Variants in VIL1 observed in about 807,000 individuals in gnomAD.
VIL1 encodes villin 1, also known as villin-1.
A neutral mutation model predicts 104.0 loss-of-function variants in VIL1; 86 were observed. The ratio of observed to expected loss-of-function variants is 0.83; its 90% CI spans 0.69 to 0.99. The LOEUF is 0.99. Ranked by LOEUF, VIL1 falls within the 50% of genes least tolerant of loss-of-function variation. The pLI is 0.00. For missense variants in VIL1, 944 were observed against 1,054.1 expected (o/e 0.90, Z 1.45); for synonymous variants, 394 against 412.6 (o/e 0.95, Z 0.55).
intron 4 of VIL1, among the ~76,000 whole-genome samples, chr2:218,426,507 C>T (rs1689004805): frequency 6.6e-6 from 1 of 152,212 alleles, no homozygotes; most frequent in Non-Finnish European, 1.5e-5. Context: ...CTGCCTCAGT[C>T]TCCCAAGGTG....
chr2:218,422,579 G>A (rs1458592845), intron 1 of VIL1, among the ~76,000 whole-genome samples: 7 of 152,172 alleles, frequency 4.6e-5, no homozygotes, highest in South Asian at 2.1e-4. Flanking sequence ...ACTCTAGAAC[G>A]CCAGGGAAGC....
chr2:218,420,060 G>A (rs1351458527), intron 1 of VIL1, among the ~76,000 whole-genome samples: 1 of 152,264 alleles, frequency 6.6e-6, no homozygotes, highest in African/African-American at 2.4e-5. Flanking sequence ...AGAGCTGCAC[G>A]ACTGGGAACT....
intron 19 of VIL1, among the ~76,000 whole-genome samples, chr2:218,444,872 A>G (rs893741152): frequency 2.6e-5 from 4 of 152,230 alleles, no homozygotes; most frequent in African/African-American, 4.8e-5. Context: ...ATGGAAAGAT[A>G]CAAGTCCACT....
chr2:218,442,892 C>T (rs1689306359), intron 19 of VIL1, among the ~76,000 whole-genome samples: 1 of 152,150 alleles, frequency 6.6e-6, no homozygotes, highest in Admixed American at 6.5e-5. Flanking sequence ...CCTTAGAGAG[C>T]ACATTCCTGT....
chr2:218,432,242 C>A, intron 12 of VIL1, 59 bp downstream of exon 12: 1 of 1,577,858 alleles, frequency 6.3e-7, no homozygotes, highest in South Asian at 1.2e-5. Flanking sequence ...CTTGTACATA[C>A]TCCTGCTAAG....
chr2:218,424,118 C>T (rs563694642), intron 2 of VIL1, among the ~76,000 whole-genome samples, 159 bp from the exon 3 acceptor site: 3 of 152,180 alleles, frequency 2.0e-5, no homozygotes, highest in East Asian at 1.9e-4. Context: ...TTTTCCTTCT[C>T]CCGCCCCTCA....
intron 4 of VIL1, among the ~76,000 whole-genome samples, chr2:218,426,820 T>C (rs1194255407): frequency 3.3e-5 from 5 of 152,098 alleles, no homozygotes; most frequent in South Asian, 2.1e-4. Context: ...GCCAGGATGG[T>C]CTCAATCTCC....
chr2:218,432,764 C>A, intron 12 of VIL1, 29 bp from the exon 13 acceptor site: 1 of 1,612,958 alleles, frequency 6.2e-7, no homozygotes, highest in Non-Finnish European at 8.5e-7. Flanking sequence ...CTGACCCAAT[C>A]CCACTCACTC....
In VIL1 at chr2:218,449,075, T is replaced by C. The variant is rs901267162; in HGVS notation, c.2371-148T>C. The C allele has an allele frequency of 1.0e-5, 7 of 673,834 alleles. No homozygotes were observed. The East Asian group carries it at 1.8e-4, about 17-fold the overall frequency. 41.7% of individuals were successfully genotyped at this position (673,834 alleles called of 1,614,324 possible). ...CATACTCTCCTCCTCTCCATCCCTT[T>C]CCTGGCTCTCCTGACACTGCTTCTG... is the stretch of plus-strand genomic sequence containing the variant. On this transcript the variant is annotated intron_variant, in intron 19 of 19. Coordinates refer to ENST00000248444, the MANE Select transcript of VIL1 (RefSeq NM_007127.3).
chr2:218,445,654 T>A (rs555198733), intron 19 of VIL1, among the ~76,000 whole-genome samples: 1 of 152,166 alleles, frequency 6.6e-6, no homozygotes, highest in South Asian at 2.1e-4. Flanking sequence ...CTAGGGCAAC[T>A]CCACCTTAGC....
At position 218,429,834 on chromosome 2, in the gene VIL1, C is replaced by T. The variant is rs1386752839; in HGVS notation, c.850-15C>T. ...ACCTCCAGCTCCATCAGACTCTTAC[C>T]TCTCCCGACTCTAGGACTGTTACAT... On this transcript the variant is annotated splice_polypyrimidine_tract_variant and intron_variant, in intron 8 of 19. Coordinates refer to ENST00000248444, the MANE Select transcript of VIL1 (RefSeq NM_007127.3). 1.2e-6 allele frequency: 2 copies of T among 1,610,872 alleles called. No individual in the cohort carries two copies. The highest frequency in any genetic ancestry group is 1.7e-5 in the Admixed American group (1 of 59,934).
At chr2:218,442,252 G>A (rs1332499293) in intron 19 of VIL1, among the ~76,000 whole-genome samples, 4 of 152,152 alleles carry the variant, frequency 2.6e-5, no homozygotes, top group Non-Finnish European at 4.4e-5. Context: ...ACTGGATCAG[G>A]CTGAGCTTAG....
At chr2:218,429,776 A>G (rs1307595694) in intron 8 of VIL1, 73 bp from the exon 9 acceptor site, 3 of 1,590,746 alleles carry the variant, frequency 1.9e-6, no homozygotes, top group Non-Finnish European at 2.6e-6. Context: ...GGAGGGAGAG[A>G]CTTTTTTGTG....
intron 19 of VIL1, among the ~76,000 whole-genome samples, chr2:218,443,624 A>G (rs1689319224): frequency 6.6e-6 from 1 of 152,098 alleles, no homozygotes. Flanking sequence ...AAGCAGTCAA[A>G]GAAGGCTTAG....
chr2:218,435,371 G>A lies in VIL1; in HGVS notation c.1763G>A (p.Gly588Glu), dbSNP rs1316816726. ...ACGGAGAAGCAAGTGGTGGTGGAAG[G>A]GCAGGAGCCAGCCAACTTCTGGATG... The part of the protein sequence containing the change: ...SRTEKQVVVE[G>E]QEPANFWMAL... The change falls in exon 15 of 20, where the codon GGG becomes GAG. Residue 588 changes from glycine to glutamate, a missense_variant. By Grantham distance (98) the Gly-to-Glu change is moderately conservative. Transcript: ENST00000248444. The A allele has an allele frequency of 2.5e-6, 4 of 1,614,044 alleles. No individual in the cohort carries two copies. Among genetic ancestry groups the A allele is most frequent in the South Asian group, 2.2e-5 (2 of 91,088 alleles).
intron 19 of VIL1, among the ~76,000 whole-genome samples, chr2:218,445,801 T>C (rs1349396404): frequency 2.6e-5 from 4 of 152,174 alleles, no homozygotes; most frequent in Admixed American, 6.5e-5. Context: ...TAACTGAGTG[T>C]GCCTTGAGGG....
chr2:218,447,570 T>A (rs1272080542), intron 19 of VIL1, among the ~76,000 whole-genome samples: 1 of 152,152 alleles, frequency 6.6e-6, no homozygotes. Context: ...TCTGCCTGAC[T>A]TGGCCTCCCA....
chr2:218,435,916 T>A (rs1014383306), intron 15 of VIL1, among the ~76,000 whole-genome samples: 6 of 152,070 alleles, frequency 3.9e-5, no homozygotes, highest in Non-Finnish European at 7.4e-5. Flanking sequence ...CACTGCAGCC[T>A]CTGCCTCCGC....
chr2:218,449,138 G>A, intron 19 of VIL1, 85 bp from the exon 20 acceptor site: 1 of 903,856 alleles, frequency 1.1e-6, no homozygotes, highest in South Asian at 1.3e-5. Flanking sequence ...CCACATCTAT[G>A]ACTCATCAGA....
Sources: gnomAD v4.1 joint callset for allele counts (sites outside exome capture counted in the v4.1 genomes callset) on GRCh38, gnomAD v4.1.1 for gene constraint, MANE v1.5 for transcripts, NCBI Gene and HGNC (gene_info 2026-07-23, HGNC 2026-07-21) for gene names.